Variants in DNAH8 observed in about 807,000 individuals in gnomAD.
The protein encoded by DNAH8 is axonemal beta dynein heavy chain 8.
DNAH8 carries 382 observed loss-of-function variants against 562.1 expected under a neutral mutation model. The observed-to-expected ratio is 0.68, with a 90% CI of 0.63 to 0.74. The LOEUF (loss-of-function observed/expected upper bound fraction) is 0.74, where lower values mean the gene tolerates loss of function less well. Ranked by LOEUF, DNAH8 falls within the 30% of genes least tolerant of loss-of-function variation. DNAH8 has a pLI of 0.00. For synonymous variants in DNAH8, 1,881 were observed against 1,919.4 expected (o/e 0.98, Z 0.52); for missense variants, 5,203 against 5,620.4 (o/e 0.93, Z 2.37).
Position 38,814,972 on chromosome 6 carries a change from C to T in DNAH8, c.3334-496C>T, listed in dbSNP as rs140340873. 1.8e-4 allele frequency among the ~76,000 whole-genome samples: 27 copies of T among 152,250 alleles called. No homozygotes were observed. The East Asian group carries it at 3.1e-3, about 17-fold the overall frequency. ...GTCAAAGGATAAGGCCAGGCAGAAA[C>T]GGTCCGTGACTCACCTAAAACCACC... On this transcript the variant is annotated intron_variant, in intron 25 of 92. Coordinates refer to ENST00000327475, the MANE Select transcript of DNAH8 (RefSeq NM_001206927.2).
chr6:38,928,901 C>T (rs939850566), intron 74 of DNAH8, among the ~76,000 whole-genome samples: 1 of 152,126 alleles, frequency 6.6e-6, no homozygotes, highest in African/African-American at 2.4e-5. Flanking sequence ...ACGCATTAAT[C>T]TAAACACGAA....
At chr6:38,752,365 C>T (rs1191761112) in intron 9 of DNAH8, among the ~76,000 whole-genome samples, 3 of 152,190 alleles carry the variant, frequency 2.0e-5, no homozygotes, top group Admixed American at 6.5e-5. Context: ...GGTTTCGCCA[C>T]ATTGGCCAGG....
chr6:38,894,359 T>C (rs1779537374), intron 58 of DNAH8, among the ~76,000 whole-genome samples: 2 of 152,192 alleles, frequency 1.3e-5, no homozygotes, highest in Non-Finnish European at 2.9e-5. Context: ...ATACTACCAA[T>C]AATTAGGGAT....
chr6:38,927,927 T>G (rs370438462), intron 74 of DNAH8: 1 of 152,200 alleles, frequency 6.6e-6, no homozygotes, highest in African/African-American at 2.4e-5. Context: ...CTGAATTGTA[T>G]TCTCCTTACT....
Position 38,971,573 on chromosome 6 carries a change from A to G in DNAH8, c.12452-19A>G, listed in dbSNP as rs1763355329. 6.7e-7 allele frequency: 1 copy of G among 1,482,784 alleles called. No homozygotes were observed. Among genetic ancestry groups the G allele is most frequent in the Non-Finnish European group, 9.1e-7 (1 of 1,103,326 alleles). The allele number at this position is 1,482,784 out of a possible 1,614,324, so 91.9% of individuals were successfully genotyped here. ...TAAGAGTTGTGTTTCATCATAGTGAACTTTCTCCTATGTTACAGAATGTAG... is the reference window on the plus strand; with the variant it reads ...TAAGAGTTGTGTTTCATCATAGTGAGCTTTCTCCTATGTTACAGAATGTAG... On this transcript the variant is annotated intron_variant, in intron 82 of 92. Coordinates refer to ENST00000327475, the MANE Select transcript of DNAH8 (RefSeq NM_001206927.2).
chr6:38,743,535 C>A (rs1250910669), intron 8 of DNAH8, among the ~76,000 whole-genome samples: 1 of 152,146 alleles, frequency 6.6e-6, no homozygotes, highest in Non-Finnish European at 1.5e-5. Flanking sequence ...TCCTTCAGCT[C>A]TCACCTTCCC....
At chr6:38,735,941 C>A (rs1290747476) in intron 5 of DNAH8, among the ~76,000 whole-genome samples, 3 of 152,030 alleles carry the variant, frequency 2.0e-5, no homozygotes, top group Non-Finnish European at 4.4e-5. Flanking sequence ...AGTTCGAGAC[C>A]ACCCTGGGCA....
chr6:39,001,981 G>A (rs1290429469), intron 88 of DNAH8, among the ~76,000 whole-genome samples: 4 of 152,146 alleles, frequency 2.6e-5, no homozygotes, highest in Non-Finnish European at 4.4e-5. Context: ...ACAGCAAGGA[G>A]GAAGCCATCT....
At chr6:38,994,324 G>A (rs1008955364) in intron 88 of DNAH8, among the ~76,000 whole-genome samples, 2 of 151,998 alleles carry the variant, frequency 1.3e-5, no homozygotes, top group Non-Finnish European at 2.9e-5. Context: ...AGCTTATTTA[G>A]CGTTGCTTGT....
chr6:38,830,866 C>T (rs1773779198), intron 30 of DNAH8, among the ~76,000 whole-genome samples: 1 of 152,070 alleles, frequency 6.6e-6, no homozygotes. Context: ...TGATTTTATG[C>T]AAGTTAATAA....
chr6:38,929,402 C>T, intron 74 of DNAH8, 109 bp from the exon 75 acceptor site: 1 of 1,116,438 alleles, frequency 9.0e-7, no homozygotes, highest in South Asian at 2.1e-5. Context: ...AAGTCTTCTT[C>T]TATTGCCCTT....
intron 88 of DNAH8, among the ~76,000 whole-genome samples, chr6:38,997,696 A>G (rs1467395860): frequency 6.6e-6 from 1 of 152,202 alleles, no homozygotes; most frequent in Non-Finnish European, 1.5e-5. Flanking sequence ...AGCCAGAGGA[A>G]TCATTAATTT....
intron 8 of DNAH8, among the ~76,000 whole-genome samples, chr6:38,748,119 G>A (rs535861137): frequency 7.7e-4 from 117 of 152,304 alleles, no homozygotes; most frequent in Non-Finnish European, 1.4e-3. Context: ...GTCTCCTGGT[G>A]CACATGTGTG....
At chr6:38,928,334 A>G (rs1782273867) in intron 74 of DNAH8, among the ~76,000 whole-genome samples, 1 of 152,230 alleles carries the variant, frequency 6.6e-6, no homozygotes, top group African/African-American at 2.4e-5. Flanking sequence ...AGATATCACA[A>G]AAATAGAATT....
At chr6:39,001,762 A>C (rs1765501061) in intron 88 of DNAH8, among the ~76,000 whole-genome samples, 1 of 152,162 alleles carries the variant, frequency 6.6e-6, no homozygotes, top group Non-Finnish European at 1.5e-5. Context: ...TACATTTAAT[A>C]ATCACTTTTC....
chr6:38,843,572 A>G (rs1775022995), intron 35 of DNAH8, among the ~76,000 whole-genome samples: 1 of 152,088 alleles, frequency 6.6e-6, no homozygotes, highest in Admixed American at 6.5e-5. Flanking sequence ...TCTAGCATTT[A>G]TCAACTCATG....
chr6:38,752,273 C>T (rs1765531001), intron 9 of DNAH8, among the ~76,000 whole-genome samples: 2 of 151,200 alleles, frequency 1.3e-5, no homozygotes, highest in African/African-American at 4.9e-5. Flanking sequence ...AAGCAATTCT[C>T]CTGATTCAGC....
At chr6:38,916,824 T>C (rs999352486) in intron 68 of DNAH8, among the ~76,000 whole-genome samples, 11 of 152,138 alleles carry the variant, frequency 7.2e-5, no homozygotes. Flanking sequence ...TTCTAATTCC[T>C]CTCCCTGCCA....
chr6:38,750,078 C>T (rs1765304760), intron 8 of DNAH8, among the ~76,000 whole-genome samples: 1 of 152,236 alleles, frequency 6.6e-6, no homozygotes. Flanking sequence ...GTGATCCGCC[C>T]ACCTTGGCTT....
Sources: allele counts gnomAD v4.1 joint callset (sites outside exome capture counted in the v4.1 genomes callset), GRCh38; gene constraint gnomAD v4.1.1; transcripts MANE v1.5; gene names NCBI Gene and HGNC (gene_info 2026-07-23, HGNC 2026-07-21).